Variants in PAPPA2 observed in about 807,000 individuals in gnomAD.
PAPPA2 encodes pappalysin 2.
PAPPA2 carries 86 observed loss-of-function variants against 176.4 expected under a neutral mutation model. The observed-to-expected ratio is 0.49, with a 90% CI of 0.41 to 0.58. The LOEUF is 0.58. PAPPA2 is among the 20% of genes least tolerant of loss of function. The probability of loss-of-function intolerance (pLI) is 0.00; values close to 1 mark genes in which losing one functional copy is unlikely to be tolerated. For missense variants in PAPPA2, 2,073 were observed against 2,256.9 expected (o/e 0.92, Z 1.65); for synonymous variants, 809 against 852.2 (o/e 0.95, Z 0.88).
chr1:176,649,757 A>G (rs1201529158), intron 3 of PAPPA2, among the ~76,000 whole-genome samples: 2 of 151,590 alleles, frequency 1.3e-5, no homozygotes, highest in African/African-American at 4.8e-5. Flanking sequence ...TTATAATCAT[A>G]TAAGATACTT....
intron 1 of PAPPA2, among the ~76,000 whole-genome samples, chr1:176,498,564 A>G (rs1307042248): frequency 6.6e-6 from 1 of 152,060 alleles, no homozygotes; most frequent in Non-Finnish European, 1.5e-5. Flanking sequence ...AGCCTGACCA[A>G]CATGATGAAA....
chr1:176,475,998 T>C (rs936493910), intron 1 of PAPPA2, among the ~76,000 whole-genome samples: 6 of 152,200 alleles, frequency 3.9e-5, no homozygotes, highest in African/African-American at 1.4e-4. Context: ...CACTGACTTT[T>C]CTGAGTTACT....
At chr1:176,495,850 C>T (rs1313857046) in intron 1 of PAPPA2, among the ~76,000 whole-genome samples, 1 of 151,710 alleles carries the variant, frequency 6.6e-6, no homozygotes, top group African/African-American at 2.4e-5. Context: ...TCACTGCAGC[C>T]TCAAACTCCT....
intron 14 of PAPPA2, among the ~76,000 whole-genome samples, chr1:176,752,345 A>T (rs1398473212): frequency 9.3e-6 from 1 of 107,910 alleles, no homozygotes; most frequent in African/African-American, 4.7e-5. Flanking sequence ...AGTATAATAA[A>T]AAAAAAAAAA....
chr1:176,723,836 A>G (rs1478579202), intron 12 of PAPPA2, among the ~76,000 whole-genome samples: 1 of 152,202 alleles, frequency 6.6e-6, no homozygotes, highest in Admixed American at 6.5e-5. Flanking sequence ...TTATTTACAT[A>G]ATAAGCACAT....
Position 176,769,660 on chromosome 1 carries a change from C to T in PAPPA2, c.4377C>T (p.Cys1459=), listed in dbSNP as rs1412021265. 1 of 1,613,932 alleles carries T rather than the reference C, an allele frequency of 6.2e-7. No homozygotes were observed. Among genetic ancestry groups the T allele is most frequent in the Non-Finnish European group, 8.5e-7 (1 of 1,179,966 alleles). The change falls in exon 16 of 23, where the codon TGC becomes TGT. Residue 1459 remains cysteine, a synonymous_variant. Coordinates refer to ENST00000367662, the MANE Select transcript of PAPPA2 (RefSeq NM_020318.3). ...GGCACTGGGACCAGAATGTGAGCTG[C>T]CTTCCCGTGGACTGCGGTGTTCCCG... is the stretch of plus-strand genomic sequence containing the variant. ...SSGHWDQNVS[C]LPVDCGVPDP... is the part of the protein sequence containing the mutation.
intron 21 of PAPPA2, among the ~76,000 whole-genome samples, chr1:176,835,811 C>G (rs1479007444): frequency 1.3e-5 from 2 of 152,186 alleles, no homozygotes; most frequent in Admixed American, 6.5e-5. Flanking sequence ...AGCCACTGTG[C>G]CTGGCAGTCT....
chr1:176,794,547 G>A (rs900293242), intron 20 of PAPPA2, among the ~76,000 whole-genome samples: 4 of 152,128 alleles, frequency 2.6e-5, no homozygotes, highest in African/African-American at 2.4e-5. Context: ...GTGTGTATAT[G>A]TGTGCACGTG....
chr1:176,779,225 C>T (rs1160420292), intron 17 of PAPPA2, among the ~76,000 whole-genome samples: 1 of 152,034 alleles, frequency 6.6e-6, no homozygotes, highest in African/African-American at 2.4e-5. Flanking sequence ...TTTATTCAAC[C>T]TGTAACTTCA....
At chr1:176,497,373 A>G (rs544995871) in intron 1 of PAPPA2, among the ~76,000 whole-genome samples, 1 of 152,280 alleles carries the variant, frequency 6.6e-6, no homozygotes, top group African/African-American at 2.4e-5. Flanking sequence ...ACTACCTCAC[A>G]AGGCATCTAC....
intron 2 of PAPPA2, among the ~76,000 whole-genome samples, chr1:176,592,622 A>G (rs1357296379): frequency 1.3e-5 from 2 of 152,194 alleles, no homozygotes; most frequent in Non-Finnish European, 2.9e-5. Context: ...TGTCTGGCAG[A>G]TAATCATGCT....
At chr1:176,795,762 AG>A (rs1665400370) in intron 20 of PAPPA2, among the ~76,000 whole-genome samples, 1 of 152,222 alleles carries the variant, frequency 6.6e-6, no homozygotes, top group Non-Finnish European at 1.5e-5. Flanking sequence ...ATTATGAATT[AG>A]TGAGGTCCAA....
intron 1 of PAPPA2, among the ~76,000 whole-genome samples, chr1:176,521,490 C>A (rs1483515406): frequency 6.6e-6 from 1 of 152,160 alleles, no homozygotes; most frequent in Non-Finnish European, 1.5e-5. Context: ...CACTGCCCTA[C>A]CTACACCACA....
intron 10 of PAPPA2, among the ~76,000 whole-genome samples, chr1:176,709,060 A>G (rs952146986): frequency 2.6e-5 from 4 of 152,142 alleles, no homozygotes; most frequent in African/African-American, 7.2e-5. Flanking sequence ...CAGTGTGTCT[A>G]TGTATCTATA....
rs775792026 is a variant in PAPPA2, at chr1:176,690,321, C to T, written c.2322C>T (p.Thr774=). The T allele has an allele frequency of 1.4e-5, 23 of 1,614,014 alleles. No homozygotes were observed. The highest frequency in any genetic ancestry group is 6.7e-5 in the African/African-American group (5 of 74,908). Residue 774 remains threonine (T), a synonymous_variant, in exon 5 of 23, where the codon ACC becomes ACT. Transcript: ENST00000367662. ...SMETGDLCAD[T]APTPKSELCR... ...AAACGGGAGACCTCTGTGCCGACACCGCCCCCACTCCCAAGAGTGAGCTGT... is the reference window on the plus strand; with the variant it reads ...AAACGGGAGACCTCTGTGCCGACACTGCCCCCACTCCCAAGAGTGAGCTGT...
At chr1:176,833,685 T>G (rs1035722052) in intron 21 of PAPPA2, among the ~76,000 whole-genome samples, 5 of 152,208 alleles carry the variant, frequency 3.3e-5, no homozygotes, top group Admixed American at 2.0e-4. Context: ...CATAGTATAT[T>G]CTACTGCCTT....
chr1:176,619,898 G>A (rs1327927236), intron 3 of PAPPA2, among the ~76,000 whole-genome samples: 1 of 152,098 alleles, frequency 6.6e-6, no homozygotes, highest in African/African-American at 2.4e-5. Context: ...ATTGATTTTG[G>A]TGCCTTATCT....
chr1:176,670,017 A>G (rs1341762026), intron 3 of PAPPA2, among the ~76,000 whole-genome samples: 1 of 152,122 alleles, frequency 6.6e-6, no homozygotes, highest in Non-Finnish European at 1.5e-5. Context: ...TATCTCTGGA[A>G]TGGCAGACCA....
intron 3 of PAPPA2, among the ~76,000 whole-genome samples, chr1:176,647,790 T>A (rs1214076835): frequency 1.3e-5 from 2 of 151,430 alleles, no homozygotes; most frequent in Non-Finnish European, 3.0e-5. Flanking sequence ...GTTTTTTGTT[T>A]GTTTCTTTGT....
Sources: gnomAD v4.1 joint callset for allele counts (sites outside exome capture counted in the v4.1 genomes callset) on GRCh38, gnomAD v4.1.1 for gene constraint, MANE v1.5 for transcripts, NCBI Gene and HGNC (gene_info 2026-07-23, HGNC 2026-07-21) for gene names.